ENPP6: variants seen among roughly 807,000 people sequenced by gnomAD.
ENPP6 encodes glycerophosphocholine cholinephosphodiesterase ENPP6.
In ENPP6, 32 loss-of-function variants were observed where a neutral mutation model predicts 42.0. That is an observed-to-expected ratio of 0.76 (90% confidence interval 0.58 to 1.02). The LOEUF is 1.02. Ranked by LOEUF, ENPP6 falls within the 50% of genes least tolerant of loss-of-function variation. The probability of loss-of-function intolerance (pLI) is 0.00; values close to 1 mark genes in which losing one functional copy is unlikely to be tolerated. For synonymous variants in ENPP6, 213 were observed against 216.0 expected, an observed-to-expected ratio of 0.99 and a Z score of 0.12; for missense variants, 552 against 566.8, an observed-to-expected ratio of 0.97 and a Z score of 0.27.
Position 184,090,869 on chromosome 4 carries a change from G to A in ENPP6, c.*308C>T, listed in dbSNP as rs1454594846. 2.3e-6 allele frequency: 1 copy of A among 428,302 alleles called. No homozygotes were observed. The highest frequency in any genetic ancestry group is 2.0e-5 in the African/African-American group (1 of 48,926). 26.5% of individuals were successfully genotyped at this position (428,302 alleles called of 1,614,324 possible). On this transcript the variant is annotated 3_prime_UTR_variant, in exon 8 of 8. Coordinates refer to ENST00000296741, the MANE Select transcript of ENPP6 (RefSeq NM_153343.4). Reference sequence around the variant, plus strand: ...GTCTGCAATAACCACTCCAAGTTTGGTTGCTGCAGGAGCAGGTCCCTGCTC... The same window carrying A: ...GTCTGCAATAACCACTCCAAGTTTGATTGCTGCAGGAGCAGGTCCCTGCTC...
intron 1 of ENPP6, among the ~76,000 whole-genome samples, chr4:184,154,810 T>C (rs1371595562): frequency 6.6e-6 from 1 of 152,234 alleles, no homozygotes; most frequent in Non-Finnish European, 1.5e-5. Flanking sequence ...TGACCAAAAC[T>C]TTCACATTAA....
chr4:184,200,952 T>C (rs1362267189), intron 1 of ENPP6, among the ~76,000 whole-genome samples: 1 of 152,150 alleles, frequency 6.6e-6, no homozygotes, highest in African/African-American at 2.4e-5. Context: ...GGACCAAAGT[T>C]CCATTGCTCT....
intron 6 of ENPP6, among the ~76,000 whole-genome samples, chr4:184,111,777 T>C (rs1328234486): frequency 6.6e-6 from 1 of 152,100 alleles, no homozygotes; most frequent in Non-Finnish European, 1.5e-5. Flanking sequence ...ACAACCCCCA[T>C]TTTCCCATGC....
At chr4:184,113,335 A>G (rs1184638431) in intron 5 of ENPP6, among the ~76,000 whole-genome samples, 1 of 152,172 alleles carries the variant, frequency 6.6e-6, no homozygotes, top group Admixed American at 6.5e-5. Context: ...CAACTACAAA[A>G]CTAAACAGCA....
chr4:184,119,532 G>C (rs1223337051), intron 3 of ENPP6, among the ~76,000 whole-genome samples: 1 of 152,064 alleles, frequency 6.6e-6, no homozygotes, highest in Non-Finnish European at 1.5e-5. Context: ...ACAAATTCGG[G>C]ATCAAACTCT....
chr4:184,161,428 TTGG>T (rs1213434957), intron 1 of ENPP6, among the ~76,000 whole-genome samples: 3 of 152,198 alleles, frequency 2.0e-5, no homozygotes, highest in Admixed American at 6.5e-5. Flanking sequence ...TTTTACACTG[TTGG>T]TGGGAATGTA....
rs1042429982 is a variant in ENPP6 at position 184,096,242 on chromosome 4, C to T, written c.1117+1003G>A. 3.9e-5 allele frequency among the ~76,000 whole-genome samples: 6 copies of T among 152,142 alleles called. No individual in the cohort carries two copies. The South Asian group carries it at 8.3e-4, about 21-fold the overall frequency. On this transcript the variant is annotated intron_variant, in intron 7 of 7. Transcript: ENST00000296741. ...AGGCTGAATGAGGGATGCTGGCATA[C>T]GTCTTTGATCTTACTAAATTGAAGA...
chr4:184,113,936 T>C (rs768958298), intron 5 of ENPP6, among the ~76,000 whole-genome samples: 3 of 148,204 alleles, frequency 2.0e-5, no homozygotes, highest in Non-Finnish European at 3.0e-5. Context: ...TCTTTCTTTC[T>C]TTCTTTCTTT....
At chr4:184,173,229 T>C (rs1344224406) in intron 1 of ENPP6, among the ~76,000 whole-genome samples, 1 of 152,134 alleles carries the variant, frequency 6.6e-6, no homozygotes, top group African/African-American at 2.4e-5. Context: ...AAAGTGTTCA[T>C]TGGAGCCTTG....
Position 184,097,284 on chromosome 4 carries a change from G to A in ENPP6, c.1078C>T (p.Leu360Phe), listed in dbSNP as rs1316163982. The A allele has an allele frequency of 3.1e-6, 5 of 1,614,208 alleles. No individual in the cohort carries two copies. The highest frequency in any genetic ancestry group is 4.2e-6 in the Non-Finnish European group (5 of 1,180,036). Reference sequence around the variant, plus strand: ...AGGAAGATGCCCCGCATGTCCATGAGCTCGTTGTCGTAGCCGTGCCATCCA... The same window carrying A: ...AGGAAGATGCCCCGCATGTCCATGAACTCGTTGTCGTAGCCGTGCCATCCA... ...QRGWHGYDNE[L>F]MDMRGIFLAF... is the part of the protein sequence containing the mutation. The change falls in exon 7 of 8, where the codon CTC becomes TTC. Residue 360 changes from leucine (L) to phenylalanine (F), a missense_variant. Physicochemically the swap from Leu to Phe is conservative, Grantham distance 22. Around this residue, in one of 2 missense-constraint regions of ENPP6, gnomAD observed 545 missense variants for 546.3 expected, o/e 1.00. Transcript: ENST00000296741.
At chr4:184,186,484 G>A (rs1433019366) in intron 1 of ENPP6, among the ~76,000 whole-genome samples, 1 of 152,152 alleles carries the variant, frequency 6.6e-6, no homozygotes, top group African/African-American at 2.4e-5. Context: ...AAGAAAGAAA[G>A]AGAAATAAGG....
intron 1 of ENPP6, among the ~76,000 whole-genome samples, chr4:184,216,153 G>C (rs138355943): frequency 6.6e-6 from 1 of 152,202 alleles, no homozygotes; most frequent in Non-Finnish European, 1.5e-5. Flanking sequence ...GTGTGAAGCC[G>C]CTGCACAGAG....
chr4:184,105,705 C>A (rs986125646), intron 6 of ENPP6, among the ~76,000 whole-genome samples: 43 of 152,082 alleles, frequency 2.8e-4, no homozygotes, highest in African/African-American at 9.9e-4. Flanking sequence ...TTATTATCTG[C>A]AAAATATAAA....
intron 1 of ENPP6, among the ~76,000 whole-genome samples, chr4:184,198,339 T>C (rs1311386870): frequency 6.6e-6 from 1 of 152,050 alleles, no homozygotes; most frequent in Non-Finnish European, 1.5e-5. Context: ...CCTGAGGGAG[T>C]GTAGACCAAC....
intron 1 of ENPP6, among the ~76,000 whole-genome samples, chr4:184,175,884 CG>C (rs2111096465): frequency 6.6e-6 from 1 of 152,148 alleles, no homozygotes; most frequent in African/African-American, 2.4e-5. Context: ...AAAAGTGGCA[CG>C]TGTTTACGAA....
intron 1 of ENPP6, among the ~76,000 whole-genome samples, chr4:184,217,197 G>A (rs955536830): frequency 5.9e-5 from 9 of 151,818 alleles, no homozygotes; most frequent in African/African-American, 2.2e-4. Flanking sequence ...CAGAGAAAAG[G>A]GACAGAAGGA....
intron 2 of ENPP6, among the ~76,000 whole-genome samples, chr4:184,131,455 C>T (rs1017306269): frequency 1.3e-5 from 2 of 150,988 alleles, no homozygotes; most frequent in South Asian, 2.1e-4. Context: ...TGGGTTCAAG[C>T]GATTCTCCTG....
rs200626319 is a variant in ENPP6, at chr4:184,117,083, G to A, written c.676-48C>T. 1,579 of 1,602,206 alleles carry A rather than the reference G, an allele frequency of 9.9e-4. 4 individuals carry two copies. Among genetic ancestry groups the A allele is most frequent in the Non-Finnish European group, 1.1e-3 (1,249 of 1,171,052 alleles). On this transcript the variant is annotated intron_variant, in intron 4 of 7. Coordinates refer to ENST00000296741, the MANE Select transcript of ENPP6 (RefSeq NM_153343.4). ...CATTACGGCACCAACAGAGAGGCTC[G>A]TGCACTCAGAAAACCTTGTCAACTA...
At chr4:184,187,132 G>A (rs908189512) in intron 1 of ENPP6, among the ~76,000 whole-genome samples, 4 of 152,222 alleles carry the variant, frequency 2.6e-5, no homozygotes, top group Middle Eastern at 3.2e-3. Context: ...TCTGTGAGAG[G>A]AGATGCGGAA....
Sources: allele counts gnomAD v4.1 joint callset (sites outside exome capture counted in the v4.1 genomes callset), GRCh38; gene constraint gnomAD v4.1.1; regional missense constraint gnomAD v4.1.1; transcripts MANE v1.5; gene names NCBI Gene and HGNC (gene_info 2026-07-23, HGNC 2026-07-21).